HTR1F: variants seen among roughly 807,000 people sequenced by gnomAD.
The protein encoded by HTR1F is 5-hydroxytryptamine (serotonin) receptor 1F, G protein-coupled.
HTR1F carries 17 observed loss-of-function variants against 24.0 expected under a neutral mutation model. The observed-to-expected ratio is 0.71, with a 90% confidence interval of 0.48 to 1.06. The LOEUF (loss-of-function observed/expected upper bound fraction) is 1.06. HTR1F is among the 50% of genes least tolerant of loss of function. The pLI, the probability that HTR1F is intolerant of heterozygous loss-of-function variation, is 0.00. For synonymous variants in HTR1F, 186 were observed against 156.8 expected (o/e 1.19, Z -1.39); for missense variants, 391 against 427.8 (o/e 0.91, Z 0.76).
intron 2 of HTR1F, among the ~76,000 whole-genome samples, chr3:87,898,035 G>A (rs1198725670): frequency 6.6e-6 from 1 of 152,120 alleles, no homozygotes; most frequent in Non-Finnish European, 1.5e-5. Flanking sequence ...GATGGATGAT[G>A]AGTGGATTGT....
Position 87,942,751 on chromosome 3 carries a change from T to TTA in HTR1F, c.-42-47957_-42-47956insTA, listed in dbSNP as rs58283915. Among the ~76,000 whole-genome samples, 1,297 of 151,530 alleles carry TTA rather than the reference T, an allele frequency of 8.6e-3. 19 individuals are homozygous for TTA. The highest frequency in any genetic ancestry group is 0.031 in the Middle Eastern group (9 of 294). On this transcript the variant is annotated intron_variant, in intron 2 of 2. Coordinates refer to ENST00000319595, the MANE Select transcript of HTR1F (RefSeq NM_001322209.2). ...CTAAAGCGGTGGCCTTTTTTTTTTT[T>TTA]ATCCTGTTTGTCCTATTCCACCTGC...
intron 2 of HTR1F, among the ~76,000 whole-genome samples, chr3:87,945,864 G>GGGT (rs1553680978): frequency 4.6e-5 from 7 of 152,120 alleles, no homozygotes; most frequent in African/African-American, 1.7e-4. Context: ...GTTACCGGGG[G>GGGT]GGTCCTTGCT....
intron 2 of HTR1F, among the ~76,000 whole-genome samples, chr3:87,852,702 T>C (rs1194204203): frequency 6.6e-6 from 1 of 151,796 alleles, no homozygotes; most frequent in African/African-American, 2.4e-5. Flanking sequence ...ATGATCTGTT[T>C]TTAATATGGG....
chr3:87,840,341 A>C (rs1295771646), intron 2 of HTR1F, among the ~76,000 whole-genome samples: 1 of 152,202 alleles, frequency 6.6e-6, no homozygotes, highest in Non-Finnish European at 1.5e-5. Context: ...GCTCAACTGC[A>C]ATTATCAGAG....
intron 2 of HTR1F, among the ~76,000 whole-genome samples, chr3:87,972,923 C>A (rs753779723): frequency 3.3e-5 from 5 of 151,544 alleles, no homozygotes; most frequent in Non-Finnish European, 7.4e-5. Flanking sequence ...GTAATCCCAG[C>A]ACTTTGGGAG....
chr3:87,939,440 G>A (rs926516859), intron 2 of HTR1F, among the ~76,000 whole-genome samples: 10 of 152,146 alleles, frequency 6.6e-5, no homozygotes, highest in African/African-American at 2.4e-4. Context: ...AATAATTTCA[G>A]AAGGAATGGT....
intron 2 of HTR1F, among the ~76,000 whole-genome samples, chr3:87,906,440 T>G (rs1377631258): frequency 1.3e-5 from 2 of 152,146 alleles, no homozygotes; most frequent in Non-Finnish European, 2.9e-5. Context: ...TCACATTCAA[T>G]TTTGAAATAA....
At chr3:87,869,735 A>G (rs1474775799) in intron 2 of HTR1F, among the ~76,000 whole-genome samples, 1 of 152,086 alleles carries the variant, frequency 6.6e-6, no homozygotes, top group Non-Finnish European at 1.5e-5. Context: ...TAGGATTTTA[A>G]CTGATTAGAT....
At chr3:87,815,637 A>G (rs144852695) in intron 1 of HTR1F, among the ~76,000 whole-genome samples, 158 of 152,226 alleles carry the variant, frequency 1.0e-3, no homozygotes, top group African/African-American at 3.6e-3. Context: ...AGAAACATTG[A>G]AAGTTTTTGA....
intron 2 of HTR1F, among the ~76,000 whole-genome samples, chr3:87,893,028 C>T (rs775006038): frequency 3.3e-5 from 5 of 151,924 alleles, no homozygotes; most frequent in Non-Finnish European, 7.4e-5. Flanking sequence ...GAATGTTTTA[C>T]AGTGTAGATC....
At chr3:87,854,165 T>A (rs2938277) in intron 2 of HTR1F, among the ~76,000 whole-genome samples, 55,951 of 151,916 alleles carry the variant, frequency 0.37, 15,034 homozygotes, top group African/African-American at 0.76. Flanking sequence ...TGTAGAATTT[T>A]AACCCCATTT....
chr3:87,886,640 A>T (rs751257132), intron 2 of HTR1F, among the ~76,000 whole-genome samples: 12 of 152,204 alleles, frequency 7.9e-5, no homozygotes, highest in Admixed American at 2.0e-4. Context: ...AACTCAGCAA[A>T]GTCTCAGGAT....
intron 2 of HTR1F, among the ~76,000 whole-genome samples, chr3:87,897,938 T>C (rs1350524744): frequency 6.6e-6 from 1 of 152,130 alleles, no homozygotes; most frequent in Non-Finnish European, 1.5e-5. Flanking sequence ...TTGGATTATA[T>C]ACATGTCTCC....
intron 2 of HTR1F, among the ~76,000 whole-genome samples, chr3:87,913,953 T>C (rs527395858): frequency 6.6e-6 from 1 of 151,910 alleles, no homozygotes; most frequent in African/African-American, 2.4e-5. Context: ...CCACAACAAC[T>C]GAAGGAATAA....
intron 2 of HTR1F, among the ~76,000 whole-genome samples, chr3:87,919,611 T>C (rs1175822372): frequency 1.3e-5 from 2 of 151,866 alleles, no homozygotes; most frequent in African/African-American, 2.4e-5. Context: ...AACAAACATA[T>C]GAAAAAATGT....
chr3:87,827,549 A>T (rs1408009948), intron 2 of HTR1F, among the ~76,000 whole-genome samples: 1 of 152,244 alleles, frequency 6.6e-6, no homozygotes, highest in East Asian at 1.9e-4. Context: ...TCTCATTTGC[A>T]TGAAAATAGC....
chr3:87,802,298 CCCTT>C (rs1213411103), intron 1 of HTR1F, among the ~76,000 whole-genome samples: 36 of 111,630 alleles, frequency 3.2e-4, no homozygotes, highest in Non-Finnish European at 4.2e-4. Context: ...CTCCCTCCCT[CCCTT>C]CCTTCCTTCC....
At chr3:87,875,874 A>G (rs1171764919) in intron 2 of HTR1F, among the ~76,000 whole-genome samples, 1 of 151,204 alleles carries the variant, frequency 6.6e-6, no homozygotes, top group Non-Finnish European at 1.5e-5. Context: ...CAGTGAGCCA[A>G]GATCACGCTA....
chr3:87,931,402 T>C (rs1295949879), intron 2 of HTR1F, among the ~76,000 whole-genome samples: 9 of 152,240 alleles, frequency 5.9e-5, no homozygotes, highest in Non-Finnish European at 1.3e-4. Flanking sequence ...GGCTGCATAG[T>C]ATTCCATGGT....
Sources: gnomAD v4.1 joint callset for allele counts (sites outside exome capture counted in the v4.1 genomes callset) on GRCh38, gnomAD v4.1.1 for gene constraint, MANE v1.5 for transcripts, NCBI Gene and HGNC (gene_info 2026-07-23, HGNC 2026-07-21) for gene names.